The following IKZF2 variants were observed in gnomAD, a reference collection of about 807,000 sequenced individuals.
IKZF2 encodes the protein IKAROS family zinc finger 2.
Under a neutral mutation model 49.2 loss-of-function variants are expected in IKZF2, and 15 were observed. That is an observed-to-expected ratio of 0.30 (90% CI 0.20 to 0.47). IKZF2 has a LOEUF of 0.47. IKZF2 is among the 20% of genes least tolerant of loss of function. IKZF2 has a pLI of 1.00. For missense variants in IKZF2, 567 were observed against 664.6 expected, an observed-to-expected ratio of 0.85 and a Z score of 1.61; for synonymous variants, 227 against 221.4, an observed-to-expected ratio of 1.03 and a Z score of -0.23.
intron 5 of IKZF2, among the ~76,000 whole-genome samples, chr2:213,054,197 T>C (rs1306582485): frequency 1.3e-5 from 2 of 151,862 alleles, no homozygotes; most frequent in African/African-American, 4.8e-5. Context: ...TGATCCAAGA[T>C]TGCACCACTA....
chr2:213,086,590 T>A (rs1280148057), intron 4 of IKZF2, among the ~76,000 whole-genome samples: 2 of 152,100 alleles, frequency 1.3e-5, no homozygotes, highest in African/African-American at 4.8e-5. Context: ...TTACTGCATA[T>A]CCCTAAAGAT....
In IKZF2 at chr2:213,144,686, G is replaced by A. The variant is rs141029509; in HGVS notation, c.139+3022C>T. Among the ~76,000 whole-genome samples the A allele has an allele frequency of 5.3e-5, 8 of 151,982 alleles. 1 individual carries two copies. Among genetic ancestry groups the A allele is most frequent in the African/African-American group, 9.6e-5 (4 of 41,504 alleles). ...GGCATATACTGTCATCCCTGACACC[G>A]AAGATTGTCAGCAGACTCAATATGT... On this transcript the variant is annotated intron_variant, in intron 4 of 8. Transcript: ENST00000434687.
At chr2:213,075,206 T>G (rs1212926191) in intron 4 of IKZF2, among the ~76,000 whole-genome samples, 1 of 152,140 alleles carries the variant, frequency 6.6e-6, no homozygotes, top group African/African-American at 2.4e-5. Context: ...AAATATGAAA[T>G]AGTAAATCTC....
chr2:213,055,697 T>A (rs1323101601), intron 5 of IKZF2, among the ~76,000 whole-genome samples: 1 of 152,076 alleles, frequency 6.6e-6, no homozygotes, highest in Non-Finnish European at 1.5e-5. Context: ...TGGTTCTAGC[T>A]TCAGCAATGC....
intron 6 of IKZF2, among the ~76,000 whole-genome samples, chr2:213,028,592 T>C (rs183080815): frequency 1.3e-5 from 2 of 152,284 alleles, no homozygotes; most frequent in African/African-American, 4.8e-5. Context: ...TATTACTTAA[T>C]TTAACTCTAA....
chr2:213,101,763 C>G (rs1706705742), intron 4 of IKZF2, among the ~76,000 whole-genome samples: 1 of 152,156 alleles, frequency 6.6e-6, no homozygotes, highest in Admixed American at 6.6e-5. Flanking sequence ...TATAGTACAG[C>G]TTGTTCCATG....
chr2:213,125,359 T>A (rs2060222775), intron 4 of IKZF2, among the ~76,000 whole-genome samples: 1 of 152,186 alleles, frequency 6.6e-6, no homozygotes, highest in African/African-American at 2.4e-5. Flanking sequence ...GAAATATTCT[T>A]CAGGAACAAA....
chr2:213,080,462 C>T (rs1375666554), intron 4 of IKZF2, among the ~76,000 whole-genome samples: 4 of 151,940 alleles, frequency 2.6e-5, no homozygotes, highest in African/African-American at 9.7e-5. Context: ...AATGGGGGAG[C>T]AACAGTTATG....
chr2:213,027,729 C>G (rs1697974103), intron 6 of IKZF2, among the ~76,000 whole-genome samples: 1 of 152,008 alleles, frequency 6.6e-6, no homozygotes, highest in African/African-American at 2.4e-5. Flanking sequence ...CTTTTTTTCA[C>G]TGGGCTACTA....
intron 4 of IKZF2, among the ~76,000 whole-genome samples, chr2:213,057,931 T>A (rs1413664969): frequency 6.6e-6 from 1 of 152,172 alleles, no homozygotes; most frequent in African/African-American, 2.4e-5. Context: ...TGGAATTTTG[T>A]TAGCACAGCC....
intron 4 of IKZF2, among the ~76,000 whole-genome samples, chr2:213,113,635 T>C (rs1248943447): frequency 6.6e-6 from 1 of 152,186 alleles, no homozygotes; most frequent in Non-Finnish European, 1.5e-5. Flanking sequence ...TGTTTCAAAG[T>C]TAATTTACTT....
chr2:213,021,910 T>C, intron 7 of IKZF2, 83 bp downstream of exon 7: 1 of 933,532 alleles, frequency 1.1e-6, no homozygotes, highest in Non-Finnish European at 1.5e-6. Flanking sequence ...AAAATAGTTT[T>C]AAACAGCATA....
intron 8 of IKZF2, among the ~76,000 whole-genome samples, chr2:213,012,126 T>C (rs1559160506): frequency 6.6e-6 from 1 of 152,042 alleles, no homozygotes; most frequent in Non-Finnish European, 1.5e-5. Context: ...AATTTTTTGT[T>C]TCAAGAACAA....
At position 213,001,235 on chromosome 2, in the gene IKZF2, G is replaced by A. The variant is rs1217849882; in HGVS notation, c.*6125C>T. The A allele has an allele frequency of 6.6e-6, 1 of 151,888 alleles. No homozygotes were observed. The highest frequency in any genetic ancestry group is 2.4e-5 in the African/African-American group (1 of 41,354). 9.4% of individuals were successfully genotyped at this position (151,888 alleles called of 1,614,324 possible). ...CTATTAACAGCAAATATGGGGCCTG[G>A]AGACCCCCTCCAAACCTGGAATATT... On this transcript the variant is annotated 3_prime_UTR_variant, in exon 9 of 9. Transcript: ENST00000434687.
chr2:213,006,460 C>T lies in IKZF2; in HGVS notation c.*900G>A, dbSNP rs1695354467. On this transcript the variant is annotated 3_prime_UTR_variant, in exon 9 of 9. Transcript: ENST00000434687. Reference sequence around the variant, plus strand: ...TTTAGAAACAAATACATATACTATGCTGCCATCACATTACAACTTTAAAAG... The same window carrying T: ...TTTAGAAACAAATACATATACTATGTTGCCATCACATTACAACTTTAAAAG... 1 of 152,498 alleles carries T rather than the reference C, an allele frequency of 6.6e-6. No homozygotes were observed. The highest frequency in any genetic ancestry group is 2.4e-5 in the African/African-American group (1 of 41,428). 9.4% of individuals were successfully genotyped at this position (152,498 alleles called of 1,614,324 possible).
At chr2:213,027,251 T>A (rs10048667) in intron 6 of IKZF2, among the ~76,000 whole-genome samples, 5,805 of 152,232 alleles carry the variant, frequency 0.038, 372 homozygotes, top group African/African-American at 0.13. Flanking sequence ...TTTCAATAGT[T>A]ACATAATCAT....
intron 6 of IKZF2, among the ~76,000 whole-genome samples, chr2:213,036,090 G>A (rs1205015222): frequency 2.6e-5 from 4 of 152,064 alleles, no homozygotes; most frequent in Non-Finnish European, 5.9e-5. Flanking sequence ...GTTCTAAGCT[G>A]CTATATGTCT....
intron 4 of IKZF2, among the ~76,000 whole-genome samples, chr2:213,094,068 G>C (rs1476790047): frequency 6.6e-6 from 1 of 152,096 alleles, no homozygotes; most frequent in Non-Finnish European, 1.5e-5. Context: ...AACATAAAAA[G>C]GTAAATAAGA....
chr2:213,038,250 G>A (rs753258666), intron 6 of IKZF2, among the ~76,000 whole-genome samples: 18 of 152,012 alleles, frequency 1.2e-4, no homozygotes, highest in Non-Finnish European at 2.4e-4. Flanking sequence ...GAGTAGAGAC[G>A]GGGTTTCACC....
Sources: gnomAD v4.1 joint callset for allele counts (sites outside exome capture counted in the v4.1 genomes callset) on GRCh38, gnomAD v4.1.1 for gene constraint, MANE v1.5 for transcripts, NCBI Gene and HGNC (gene_info 2026-07-23, HGNC 2026-07-21) for gene names.